The following SPATA31H1 variants were observed in gnomAD, a reference collection of about 807,000 sequenced individuals.
The protein encoded by SPATA31H1 is SPATA31 subfamily H member 1.
the SPATA31H1 span, chr2:27,566,162 C>CTAA: frequency 2.2e-5 from 16 of 716,166 alleles, no homozygotes; most frequent in Admixed American, 4.0e-5. Context: ...ACGTAAAGTA[C>CTAA]CTGGACTCTG....
chr2:27,578,459 A>G, the SPATA31H1 span: 75 of 1,614,104 alleles, frequency 4.6e-5, 1 homozygote, highest in African/African-American at 9.2e-4. Context: ...TTGAAGCAAT[A>G]AATTGTGTGG....
chr2:27,539,848 G>A, the SPATA31H1 span, among the ~76,000 whole-genome samples: 1 of 93,696 alleles, frequency 1.1e-5, no homozygotes, highest in African/African-American at 4.1e-5. Context: ...CCCGGACCGG[G>A]CGGCTGGCCA....
the SPATA31H1 span, chr2:27,577,019 G>A: frequency 1.2e-6 from 2 of 1,614,062 alleles, no homozygotes; most frequent in Non-Finnish European, 1.7e-6. This position sits in a 1 kb window ranked among gnomAD's most constrained non-coding sequence, Gnocchi z 4.5. Context: ...CTGCAAATTT[G>A]ATTTCAATAC....
the SPATA31H1 span, among the ~76,000 whole-genome samples, chr2:27,539,748 G>GA: frequency 2.0e-5 from 1 of 49,950 alleles, no homozygotes; most frequent in African/African-American, 9.7e-5. Context: ...GCGGGGGGCT[G>GA]ACCCCCCCCG....
the SPATA31H1 span, among the ~76,000 whole-genome samples, chr2:27,547,769 A>G: frequency 6.6e-6 from 1 of 151,866 alleles, no homozygotes; most frequent in Non-Finnish European, 1.5e-5. Flanking sequence ...TATTAAGAAA[A>G]TTTTAAACAA....
the SPATA31H1 span, chr2:27,581,487 C>T: frequency 5.0e-6 from 8 of 1,612,346 alleles, no homozygotes; most frequent in African/African-American, 4.0e-5. Context: ...GAGGAGCCAT[C>T]GCGGTCCCTC....
the SPATA31H1 span, among the ~76,000 whole-genome samples, chr2:27,547,983 T>TC: frequency 6.9e-6 from 1 of 145,232 alleles, no homozygotes; most frequent in Non-Finnish European, 1.5e-5. Flanking sequence ...TAATTTCTTT[T>TC]TTTTTTTTTT....
the SPATA31H1 span, chr2:27,579,529 T>C: frequency 3.1e-6 from 5 of 1,614,216 alleles, no homozygotes; most frequent in Non-Finnish European, 4.2e-6. Flanking sequence ...ACATCTTCCA[T>C]AATACAGCAA....
the SPATA31H1 span, chr2:27,579,979 T>G: frequency 6.2e-7 from 1 of 1,614,214 alleles, no homozygotes; most frequent in Non-Finnish European, 8.5e-7. Context: ...CATCATAAAT[T>G]ACAGACCACT....
the SPATA31H1 span, chr2:27,568,406 A>G: frequency 7.5e-6 from 3 of 398,906 alleles, no homozygotes; most frequent in African/African-American, 2.1e-5. Context: ...CAGGGCTAAT[A>G]TGTCAAGACA....
the SPATA31H1 span, among the ~76,000 whole-genome samples, chr2:27,548,276 T>A: frequency 6.6e-6 from 1 of 151,840 alleles, no homozygotes; most frequent in Non-Finnish European, 1.5e-5. Flanking sequence ...GACTTAACAG[T>A]AGTTTCTTAA....
chr2:27,580,517 T>C, the SPATA31H1 span: 47 of 1,614,090 alleles, frequency 2.9e-5, no homozygotes, highest in Non-Finnish European at 4.0e-5. Context: ...AGAGTCCTTC[T>C]AGGGAATTAG....
chr2:27,543,223 A>G, the SPATA31H1 span, among the ~76,000 whole-genome samples: 1 of 151,960 alleles, frequency 6.6e-6, no homozygotes. Context: ...ACCTTTTTTG[A>G]CTCTCAAACT....
the SPATA31H1 span, chr2:27,579,447 T>C: frequency 1.2e-6 from 2 of 1,614,222 alleles, no homozygotes; most frequent in South Asian, 2.2e-5. Context: ...GGTCAAAAAC[T>C]ATATTCAGAG....
the SPATA31H1 span, chr2:27,579,987 A>C: frequency 6.2e-7 from 1 of 1,614,080 alleles, no homozygotes; most frequent in Non-Finnish European, 8.5e-7. Context: ...ATTACAGACC[A>C]CTTCGGGGCC....
the SPATA31H1 span, chr2:27,575,162 G>A: frequency 2.0e-5 from 8 of 398,354 alleles, no homozygotes; most frequent in Middle Eastern, 6.2e-4. The surrounding 1 kb of genome is among the most constrained non-coding windows in gnomAD (Gnocchi z 4.1). Context: ...AGCTTCAGAC[G>A]GTGAACTCTA....
At chr2:27,570,433 C>A in the SPATA31H1 span, 1 of 398,910 alleles carries the variant, frequency 2.5e-6, no homozygotes, top group African/African-American at 2.1e-5. Flanking sequence ...GGTGTCAATT[C>A]TGCGGATCAA....
At chr2:27,566,939 T>C in the SPATA31H1 span, 2 of 717,516 alleles carry the variant, frequency 2.8e-6, no homozygotes, top group Non-Finnish European at 5.2e-6. Context: ...AAGGAACAAC[T>C]TGGGAATTCC....
the SPATA31H1 span, chr2:27,577,111 G>A: frequency 6.2e-7 from 1 of 1,614,150 alleles, no homozygotes; most frequent in Non-Finnish European, 8.5e-7. This position sits in a 1 kb window ranked among gnomAD's most constrained non-coding sequence, Gnocchi z 4.5. Flanking sequence ...AAATCTGTGG[G>A]GTTGACCCCA....
Sources: gnomAD v4.1 joint callset for allele counts (sites outside exome capture counted in the v4.1 genomes callset) on GRCh38, gnomAD v4.1.1 for gene constraint, Gnocchi (gnomAD v3.1) non-coding constraint, MANE v1.5 for transcripts, NCBI Gene and HGNC (gene_info 2026-07-23, HGNC 2026-07-21) for gene names.